SUMF1: variants seen among roughly 807,000 people sequenced by gnomAD.
SUMF1 encodes sulfatase modifying factor 1.
Under a neutral mutation model 47.6 loss-of-function variants are expected in SUMF1, and 48 were observed. That is an observed-to-expected ratio of 1.01 (90% CI 0.80 to 1.28). SUMF1 has a LOEUF of 1.28. Among genes scored for constraint, SUMF1 ranks in the 50% most tolerant of loss-of-function variants. SUMF1 has a pLI of 0.00. For synonymous variants in SUMF1, 230 were observed against 192.1 expected (o/e 1.20, Z -1.63); for missense variants, 571 against 485.4 (o/e 1.18, Z -1.66).
chr3:4,394,042 CTGAG>C (rs1259920452), intron 7 of SUMF1, among the ~76,000 whole-genome samples: 14 of 152,016 alleles, frequency 9.2e-5, no homozygotes, highest in South Asian at 2.1e-4. Context: ...TAAATGCTGA[CTGAG>C]TATTTGATAA....
chr3:4,075,696 A>G (rs1692417475), intron 8 of SUMF1, among the ~76,000 whole-genome samples: 1 of 152,090 alleles, frequency 6.6e-6, no homozygotes. Context: ...CATACCAATA[A>G]CAGACAAACA....
intron 7 of SUMF1, 46 bp downstream of exon 7, chr3:4,410,796 CCTGGCTGCAGACTGCCCAGAGGA>C: frequency 7.2e-7 from 1 of 1,385,378 alleles, no homozygotes; most frequent in Middle Eastern, 1.8e-4. Flanking sequence ...CACATGACAG[CCTGGCTGCAGACTGCCCAGAGGA>C]CAGATGCCAC....
At position 4,153,868 on chromosome 3, in the gene SUMF1, G is replaced by A. The variant is rs186658274; in HGVS notation, c.1015-85123C>T. The stretch of plus-strand genomic sequence containing the variant: ...AGAAATATATTTTTAAGTCTGTTAG[G>A]AGGCAGGGAGGTCAAGTTCCATCTT... On this transcript the variant is annotated intron_variant and NMD_transcript_variant, in intron 8 of 12. Transcript: ENST00000448413. 3.2e-4 allele frequency among the ~76,000 whole-genome samples: 48 copies of A among 151,524 alleles called. No individual in the cohort carries two copies. The East Asian group carries it at 5.6e-3, about 18-fold the overall frequency.
intron 8 of SUMF1, among the ~76,000 whole-genome samples, chr3:4,241,570 C>A (rs927308151): frequency 6.6e-6 from 1 of 152,112 alleles, no homozygotes; most frequent in South Asian, 2.1e-4. Flanking sequence ...TATATGAGAG[C>A]TAAGAAGTGC....
Position 4,105,439 on chromosome 3 carries a change from T to C in SUMF1, c.1015-36694A>G, listed in dbSNP as rs1574887108. Among the ~76,000 whole-genome samples the C allele has an allele frequency of 2.0e-5, 3 of 152,246 alleles. No individual in the cohort carries two copies. In the South Asian group the frequency reaches 6.2e-4, roughly 32 times the overall value. ...TAACACAGGTGATAAGTTTGTGAAT[T>C]AGAATAGTGATATTTAAAATAAAAG... On this transcript the variant is annotated intron_variant and NMD_transcript_variant, in intron 8 of 12. Transcript: ENST00000448413.
At chr3:4,167,177 G>A (rs549820385) in intron 8 of SUMF1, among the ~76,000 whole-genome samples, 33 of 152,120 alleles carry the variant, frequency 2.2e-4, no homozygotes, top group African/African-American at 7.5e-4. Flanking sequence ...TCTTAAAGGT[G>A]GCACAGACCC....
rs574148685 is a variant in SUMF1 at position 4,147,172 on chromosome 3, C to G, written c.1015-78427G>C. ...TTAAAAAGTCAGGAAACAACAGGTG[C>G]TGGAGAGGATGTGGGGAAATAGGAA... On this transcript the variant is annotated intron_variant and NMD_transcript_variant, in intron 8 of 12. Coordinates refer to the SUMF1 transcript ENST00000448413. Among the ~76,000 whole-genome samples the G allele has an allele frequency of 5.8e-3, 878 of 152,220 alleles. 13 individuals are homozygous for G. The highest frequency in any genetic ancestry group is 0.02 in the African/African-American group (822 of 41,526).
chr3:4,348,771 A>C (rs1468782084), intron 8 of SUMF1, among the ~76,000 whole-genome samples: 1 of 151,978 alleles, frequency 6.6e-6, no homozygotes, highest in East Asian at 1.9e-4. Flanking sequence ...GCTACTCGGG[A>C]GGCTGAGGCT....
chr3:4,086,572 C>A (rs1158191912), intron 8 of SUMF1, among the ~76,000 whole-genome samples: 1 of 152,036 alleles, frequency 6.6e-6, no homozygotes, highest in Admixed American at 6.6e-5. Context: ...ACCTGCTCTG[C>A]TTATCTTACA....
At chr3:4,449,687 C>T (rs1702905061) in intron 2 of SUMF1, among the ~76,000 whole-genome samples, 1 of 152,214 alleles carries the variant, frequency 6.6e-6, no homozygotes, top group Non-Finnish European at 1.5e-5. Context: ...ATTACATAAT[C>T]AATCTTTGTC....
chr3:4,083,049 A>G (rs1209221748), intron 8 of SUMF1, among the ~76,000 whole-genome samples: 1 of 152,152 alleles, frequency 6.6e-6, no homozygotes, highest in Non-Finnish European at 1.5e-5. Flanking sequence ...CTGGGTCTAG[A>G]ACATTAGAGA....
intron 7 of SUMF1, among the ~76,000 whole-genome samples, chr3:4,384,258 T>C (rs1314145838): frequency 6.6e-6 from 1 of 152,218 alleles, no homozygotes; most frequent in Admixed American, 6.5e-5. Context: ...TTTTAAAATA[T>C]TAAACCTTTA....
At chr3:4,348,710 C>CA (rs776215852) in intron 8 of SUMF1, among the ~76,000 whole-genome samples, 21,607 of 132,762 alleles carry the variant, frequency 0.16, 1,678 homozygotes, top group Middle Eastern at 0.25. Flanking sequence ...ACTAAAAATA[C>CA]AAAAAAAAAA....
At chr3:4,453,275 C>G in intron 1 of SUMF1, among the ~76,000 whole-genome samples, 1 of 152,216 alleles carries the variant, frequency 6.6e-6, no homozygotes, top group East Asian at 1.9e-4. Context: ...CAAACCACTA[C>G]TTGATACAAA....
At chr3:4,466,529 G>T (rs1285632909) in intron 1 of SUMF1, among the ~76,000 whole-genome samples, 1 of 152,148 alleles carries the variant, frequency 6.6e-6, no homozygotes, top group Non-Finnish European at 1.5e-5. Flanking sequence ...AAAGTGCTAA[G>T]AATAGCAGGA....
At chr3:4,285,972 A>G (rs146969851) in intron 8 of SUMF1, among the ~76,000 whole-genome samples, 20 of 152,290 alleles carry the variant, frequency 1.3e-4, no homozygotes, top group African/African-American at 4.8e-4. Context: ...TCCCCCACCA[A>G]GCAAGAAATT....
chr3:4,347,197 T>C (rs1485944315), intron 8 of SUMF1, among the ~76,000 whole-genome samples: 2 of 152,150 alleles, frequency 1.3e-5, no homozygotes, highest in African/African-American at 2.4e-5. Flanking sequence ...GCCAATATCA[T>C]CCTGATACCA....
chr3:4,084,740 G>T (rs946253361), intron 8 of SUMF1, among the ~76,000 whole-genome samples: 4 of 151,920 alleles, frequency 2.6e-5, no homozygotes, highest in African/African-American at 9.7e-5. Context: ...TACTATAAAG[G>T]GTTATTTTAA....
chr3:4,378,904 T>C (rs757107964), intron 7 of SUMF1, among the ~76,000 whole-genome samples: 9 of 152,212 alleles, frequency 5.9e-5, no homozygotes, highest in Non-Finnish European at 1.2e-4. Context: ...GATTTGCCAA[T>C]GGGAAGGCAT....
Sources: gnomAD v4.1 joint callset for allele counts (sites outside exome capture counted in the v4.1 genomes callset) on GRCh38, gnomAD v4.1.1 for gene constraint, MANE v1.5 for transcripts, NCBI Gene and HGNC (gene_info 2026-07-23, HGNC 2026-07-21) for gene names.